BACH2: variants seen among roughly 807,000 people sequenced by gnomAD.
BACH2 encodes the protein BACH transcriptional regulator 2.
In BACH2, 5 loss-of-function variants were observed where a neutral mutation model predicts 61.8. That is an observed-to-expected ratio of 0.08 (90% CI 0.04 to 0.17). The LOEUF is 0.17. BACH2 is among the 10% of genes least tolerant of loss of function. The pLI, the probability that BACH2 is intolerant of heterozygous loss-of-function variation, is 1.00. For missense variants in BACH2, 824 were observed against 1,091.1 expected (o/e 0.76, Z 3.45); for synonymous variants, 446 against 440.1 (o/e 1.01, Z -0.17).
At chr6:90,263,357 A>G (rs1187407987) in intron 2 of BACH2, among the ~76,000 whole-genome samples, 2 of 152,220 alleles carry the variant, frequency 1.3e-5, no homozygotes, top group African/African-American at 4.8e-5. Context: ...TTCCCCTCCC[A>G]AAGCTTAGTG....
At chr6:90,032,173 A>T (rs1268836950) in intron 5 of BACH2, among the ~76,000 whole-genome samples, 3 of 151,924 alleles carry the variant, frequency 2.0e-5, no homozygotes, top group African/African-American at 7.3e-5. Context: ...CTGAAACTGG[A>T]TCCCTTCCTT....
intron 5 of BACH2, among the ~76,000 whole-genome samples, chr6:90,076,698 A>G (rs764731509): frequency 1.6e-4 from 25 of 152,118 alleles, no homozygotes; most frequent in Non-Finnish European, 3.2e-4. Context: ...ACTTGGTGAC[A>G]GTATCATTTA....
At chr6:90,066,267 C>T (rs763515424) in intron 5 of BACH2, among the ~76,000 whole-genome samples, 11 of 152,054 alleles carry the variant, frequency 7.2e-5, no homozygotes, top group Non-Finnish European at 7.4e-5. Context: ...CAGGAATTCA[C>T]GTGGTGCATT....
Position 90,014,468 on chromosome 6 carries a change from ATTTTTT to A in BACH2, c.-12-5618_-12-5613del, listed in dbSNP as rs1164045089. ...TATATATATATATATATATATATAT[ATTTTTT>A]TTTTTTTTTTTTTTTTTTTAGACAG... On this transcript the variant is annotated intron_variant, in intron 5 of 8. Transcript: ENST00000257749. Among the ~76,000 whole-genome samples, 248 of 32,154 alleles carry A rather than the reference ATTTTTT, an allele frequency of 7.7e-3. 2 individuals are homozygous for A. Among genetic ancestry groups the A allele is most frequent in the African/African-American group, 0.048 (228 of 4,708 alleles). The allele number at this position is 32,154 out of a possible 152,430, so 21.1% of individuals were successfully genotyped here. A position where few individuals can be genotyped will look rare whatever the true frequency, so the allele number is the denominator to read the frequency against.
intron 6 of BACH2, among the ~76,000 whole-genome samples, chr6:89,999,253 G>A (rs758018701): frequency 3.5e-4 from 54 of 152,286 alleles, no homozygotes; most frequent in Middle Eastern, 3.4e-3. Context: ...TATTAACAGC[G>A]AACAGGAAAC....
intron 6 of BACH2, among the ~76,000 whole-genome samples, chr6:89,989,928 T>C (rs1009330860): frequency 4.6e-5 from 7 of 152,178 alleles, no homozygotes; most frequent in African/African-American, 9.7e-5. Flanking sequence ...CATGGACTCA[T>C]GCGTGGGGCA....
rs535812026 is a variant in BACH2, at chr6:89,941,463, A to C, written c.1837-3113T>G. ...GCAAAATCGCAGTAGGGCCCATGACACCACTGTCGGCTTGGCCCTGCTCCG... is the reference window on the plus strand; with the variant it reads ...GCAAAATCGCAGTAGGGCCCATGACCCCACTGTCGGCTTGGCCCTGCTCCG... On this transcript the variant is annotated intron_variant, in intron 7 of 8. Transcript: ENST00000257749. Among the ~76,000 whole-genome samples the C allele has an allele frequency of 1.6e-4, 25 of 152,308 alleles. No homozygotes were observed. The South Asian group carries it at 5.0e-3, about 30-fold the overall frequency.
intron 3 of BACH2, among the ~76,000 whole-genome samples, chr6:90,234,718 G>A (rs1770204947): frequency 6.6e-6 from 1 of 152,192 alleles, no homozygotes; most frequent in African/African-American, 2.4e-5. Flanking sequence ...CTTAGAACCA[G>A]AATGGAATAA....
chr6:89,982,014 AG>A (rs1221714118), intron 6 of BACH2, among the ~76,000 whole-genome samples: 5 of 151,796 alleles, frequency 3.3e-5, no homozygotes, highest in Non-Finnish European at 7.4e-5. Flanking sequence ...TCTGTCGCCC[AG>A]GCTGGAGTGT....
intron 6 of BACH2, among the ~76,000 whole-genome samples, chr6:89,960,130 C>T (rs186086956): frequency 1.6e-4 from 24 of 152,300 alleles, no homozygotes; most frequent in South Asian, 8.3e-4. Flanking sequence ...ATACTTTCTG[C>T]GGTCATTAAT....
At chr6:89,933,791 G>A (rs898407049) in intron 8 of BACH2, among the ~76,000 whole-genome samples, 1 of 151,948 alleles carries the variant, frequency 6.6e-6, no homozygotes. Context: ...TTTGAGACCA[G>A]CTTGGGGAAC....
At chr6:90,228,467 C>T (rs1024320714) in intron 3 of BACH2, among the ~76,000 whole-genome samples, 5 of 152,224 alleles carry the variant, frequency 3.3e-5, no homozygotes, top group Non-Finnish European at 5.9e-5. Context: ...TTAGGTTGGG[C>T]GTGGTGGCTC....
At chr6:90,028,234 C>T (rs1437987318) in intron 5 of BACH2, among the ~76,000 whole-genome samples, 2 of 152,234 alleles carry the variant, frequency 1.3e-5, no homozygotes, top group Non-Finnish European at 1.5e-5. Context: ...TTGACTAATC[C>T]TACACATAAT....
At chr6:90,237,150 C>T (rs1770285569) in intron 3 of BACH2, among the ~76,000 whole-genome samples, 1 of 152,174 alleles carries the variant, frequency 6.6e-6, no homozygotes, top group African/African-American at 2.4e-5. Context: ...GTCTCGATCT[C>T]CTGACCTCAC....
intron 6 of BACH2, among the ~76,000 whole-genome samples, chr6:90,000,197 C>T (rs1777060829): frequency 6.6e-6 from 1 of 152,198 alleles, no homozygotes; most frequent in Admixed American, 6.5e-5. Flanking sequence ...ATAGTATTAG[C>T]TCCCCTTTCT....
rs984461186 is a variant in BACH2 at position 89,932,242 on chromosome 6, C to T, written c.*166G>A. 4.1e-5 allele frequency: 38 copies of T among 932,348 alleles called. No individual in the cohort carries two copies. Among genetic ancestry groups the T allele is most frequent in the African/African-American group, 6.7e-5 (4 of 60,042 alleles). 57.8% of individuals were successfully genotyped at this position (932,348 alleles called of 1,614,324 possible). A position where few individuals can be genotyped will look rare whatever the true frequency, so the allele number is the denominator to read the frequency against. On this transcript the variant is annotated 3_prime_UTR_variant, in exon 9 of 9. Transcript: ENST00000257749. ...TGTGAAGGTAACTATCACTCCTGCTCGAGAAGAGGAGAGGATACTTCGGAA... is the reference window on the plus strand; with the variant it reads ...TGTGAAGGTAACTATCACTCCTGCTTGAGAAGAGGAGAGGATACTTCGGAA...
At position 90,113,036 on chromosome 6, in the gene BACH2, A is replaced by C. The variant is rs1366908603; in HGVS notation, c.-161-23927T>G. Among the ~76,000 whole-genome samples, 5 of 152,250 alleles carry C rather than the reference A, an allele frequency of 3.3e-5. No individual in the cohort carries two copies. The East Asian group carries it at 9.6e-4, about 29-fold the overall frequency. Reference sequence around the variant, plus strand: ...GCATTACATAATGGTAAAATGTTCAATTCAACAAGAACATCCTAATATCCT... The same window carrying C: ...GCATTACATAATGGTAAAATGTTCACTTCAACAAGAACATCCTAATATCCT... On this transcript the variant is annotated intron_variant, in intron 4 of 8. Transcript: ENST00000257749.
At chr6:90,135,714 A>G (rs1430502517) in intron 4 of BACH2, among the ~76,000 whole-genome samples, 1 of 152,160 alleles carries the variant, frequency 6.6e-6, no homozygotes, top group African/African-American at 2.4e-5. Context: ...ACTCCGTCTA[A>G]TAAGAGCAGA....
chr6:90,107,479 TA>T (rs1782974457), intron 4 of BACH2, among the ~76,000 whole-genome samples: 1 of 152,186 alleles, frequency 6.6e-6, no homozygotes, highest in South Asian at 2.1e-4. Flanking sequence ...AGCACAATTT[TA>T]TTACTGAAGA....
Sources: allele counts gnomAD v4.1 joint callset (sites outside exome capture counted in the v4.1 genomes callset), GRCh38; gene constraint gnomAD v4.1.1; transcripts MANE v1.5; gene names NCBI Gene and HGNC (gene_info 2026-07-23, HGNC 2026-07-21).